The following GLMN variants were observed in gnomAD, a reference collection of about 807,000 sequenced individuals.
GLMN encodes the protein glomulin, FKBP associated protein, also known as glomulin.
In GLMN, 75 loss-of-function variants were observed where a neutral mutation model predicts 87.8. The observed-to-expected ratio is 0.85, with a 90% CI of 0.71 to 1.04. GLMN has a LOEUF of 1.04. GLMN is among the 50% of genes least tolerant of loss of function. The pLI, the probability that GLMN is intolerant of heterozygous loss-of-function variation, is 0.00. For missense variants in GLMN, 588 were observed against 658.8 expected (o/e 0.89, Z 1.18); for synonymous variants, 206 against 221.6 (o/e 0.93, Z 0.63).
chr1:92,263,533 A>G, intron 15 of GLMN, 90 bp downstream of exon 15: 2 of 780,636 alleles, frequency 2.6e-6, no homozygotes, highest in East Asian at 2.4e-5. Flanking sequence ...AATCACAGGA[A>G]AAGACATTTT....
upstream of GLMN, among the ~76,000 whole-genome samples, chr1:92,299,576 G>A (rs1398710546): frequency 6.6e-6 from 1 of 152,116 alleles, no homozygotes; most frequent in African/African-American, 2.4e-5. Context: ...TTTGGCAGAC[G>A]GAGAGAGGTT....
chr1:92,299,935 A>G (rs1191531414), upstream of GLMN, among the ~76,000 whole-genome samples: 1 of 152,152 alleles, frequency 6.6e-6, no homozygotes, highest in African/African-American at 2.4e-5. Flanking sequence ...TCCTTGTGTG[A>G]CCATCATCGA....
the GLMN span, among the ~76,000 whole-genome samples, chr1:92,319,318 C>T: frequency 6.6e-6 from 1 of 152,218 alleles, no homozygotes; most frequent in Non-Finnish European, 1.5e-5. Context: ...TTCCTGGCTT[C>T]ACCACCTACT....
At chr1:92,256,016 C>CTTTAT (rs1654183953) in intron 16 of GLMN, among the ~76,000 whole-genome samples, 1 of 150,438 alleles carries the variant, frequency 6.6e-6, no homozygotes, top group African/African-American at 2.4e-5. Flanking sequence ...ACTAGCCAGA[C>CTTTAT]TAATAAAGAG....
At chr1:92,321,476 AT>A in the GLMN span, among the ~76,000 whole-genome samples, 8 of 151,338 alleles carry the variant, frequency 5.3e-5, no homozygotes, top group South Asian at 2.1e-4. Context: ...ATATATATAT[AT>A]TTTTTTCTTT....
At position 92,297,425 on chromosome 1, in the gene GLMN, A is replaced by C. The variant is rs142032681; in HGVS notation, c.144T>G (p.Ile48Met). The change falls in exon 3 of 19, where the codon ATT (isoleucine) becomes ATG (methionine). Residue 48 changes from isoleucine to methionine, a missense_variant. Ile to Met is a conservative substitution (Grantham distance 10). Coordinates refer to ENST00000370360, the MANE Select transcript of GLMN (RefSeq NM_053274.3). ...EEGHTDQLLE[I>M]IQNEKNKVII... ...GCACCTTATTCTTTTCATTTTGAATAATTTCTAATAGCTGGTCTGTGTGCC... is the reference window on the plus strand; with the variant it reads ...GCACCTTATTCTTTTCATTTTGAATCATTTCTAATAGCTGGTCTGTGTGCC... The C allele has an allele frequency of 6.3e-4, 1,016 of 1,611,780 alleles. 1 individual carries two copies. The highest frequency in any genetic ancestry group is 4.3e-3 in the Middle Eastern group (25 of 5,830).
upstream of GLMN, chr1:92,299,050 C>T (rs1260338186): frequency 1.4e-6 from 2 of 1,410,574 alleles, no homozygotes; most frequent in Non-Finnish European, 9.5e-7. Context: ...GAGCGTGTCC[C>T]CGTCCGGCAG....
chr1:92,266,880 C>CA, intron 11 of GLMN, 139 bp from the exon 12 acceptor site: 1 of 628,814 alleles, frequency 1.6e-6, no homozygotes, highest in Non-Finnish European at 2.8e-6. Context: ...ATTAATTTTT[C>CA]CCTAAGCCTT....
intron 18 of GLMN, 123 bp from the exon 19 acceptor site, chr1:92,246,769 A>G: frequency 1.4e-6 from 1 of 723,872 alleles, no homozygotes; most frequent in Non-Finnish European, 2.6e-6. Context: ...AGTGGTTTGC[A>G]CCTGTAATTC....
intron 18 of GLMN, 81 bp from the exon 19 acceptor site, chr1:92,246,727 G>A: frequency 1.3e-6 from 1 of 795,766 alleles, no homozygotes; most frequent in Non-Finnish European, 2.3e-6. Context: ...ATTTCAGCTG[G>A]AGGTAGCTTA....
chr1:92,360,559 T>G, the GLMN span, among the ~76,000 whole-genome samples: 2 of 152,156 alleles, frequency 1.3e-5, no homozygotes, highest in African/African-American at 2.4e-5. Context: ...CAGGCAAGGC[T>G]GGAAGAACTA....
Position 92,288,897 on chromosome 1 carries a change from CT to C in GLMN, c.632+16del. On this transcript the variant is annotated intron_variant, in intron 6 of 18. Coordinates refer to ENST00000370360, the MANE Select transcript of GLMN (RefSeq NM_053274.3). ...TTACTTAAGTCCACTGTGAGATGTTCTTAAAATTATACTTACAATTTCAGTA... is the reference window on the plus strand; with the variant it reads ...TTACTTAAGTCCACTGTGAGATGTTCTAAAATTATACTTACAATTTCAGTA... 11 of 1,252,246 alleles carry C rather than the reference CT, an allele frequency of 8.8e-6. No individual in the cohort carries two copies. Among genetic ancestry groups the C allele is most frequent in the Non-Finnish European group, 1.3e-5 (11 of 850,672 alleles). 77.6% of individuals were successfully genotyped at this position (1,252,246 alleles called of 1,614,324 possible). A position where few individuals can be genotyped will look rare whatever the true frequency, so the allele number is the denominator to read the frequency against.
chr1:92,365,067 C>A, the GLMN span, among the ~76,000 whole-genome samples: 1 of 152,178 alleles, frequency 6.6e-6, no homozygotes, highest in Non-Finnish European at 1.5e-5. Context: ...AACTTATTTT[C>A]TTTTCATATC....
intron 3 of GLMN, among the ~76,000 whole-genome samples, chr1:92,293,465 C>T (rs1023383335): frequency 1.2e-4 from 19 of 152,120 alleles, no homozygotes; most frequent in African/African-American, 4.6e-4. Context: ...GCCACCACTC[C>T]CGGCTAATTT....
At chr1:92,249,881 T>C (rs1653222940) in intron 16 of GLMN, among the ~76,000 whole-genome samples, 1 of 152,184 alleles carries the variant, frequency 6.6e-6, no homozygotes, top group East Asian at 1.9e-4. Context: ...ACTGTCTTTC[T>C]GGGCCTGGCA....
the GLMN span, among the ~76,000 whole-genome samples, chr1:92,345,625 A>G: frequency 6.6e-6 from 1 of 152,146 alleles, no homozygotes; most frequent in African/African-American, 2.4e-5. Flanking sequence ...TTAAAAACAT[A>G]TAAAAGTGGG....
At chr1:92,345,913 T>C in the GLMN span, 2 of 1,591,494 alleles carry the variant, frequency 1.3e-6, no homozygotes, top group African/African-American at 2.7e-5. Context: ...GTTGCTGTCA[T>C]TGTAAGTACT....
At chr1:92,307,583 G>A in the GLMN span, among the ~76,000 whole-genome samples, 3 of 152,324 alleles carry the variant, frequency 2.0e-5, no homozygotes, top group East Asian at 5.8e-4. Context: ...CCTGGAGGAA[G>A]AATGTTAAAT....
intron 15 of GLMN, 117 bp downstream of exon 15, chr1:92,263,506 T>G (rs1313172013): frequency 5.4e-6 from 4 of 742,150 alleles, no homozygotes; most frequent in African/African-American, 1.7e-5. Flanking sequence ...ACTTAATGAA[T>G]TAGCCATAGA....
Sources: allele counts gnomAD v4.1 joint callset (sites outside exome capture counted in the v4.1 genomes callset), GRCh38; gene constraint gnomAD v4.1.1; transcripts MANE v1.5; gene names NCBI Gene and HGNC (gene_info 2026-07-23, HGNC 2026-07-21).